DMXL1: variants seen among roughly 807,000 people sequenced by gnomAD.
DMXL1 encodes the protein dmX-like protein 1.
Under a neutral mutation model 319.2 loss-of-function variants are expected in DMXL1, and 99 were observed. That is an observed-to-expected ratio of 0.31 (90% CI 0.26 to 0.37). DMXL1 has a LOEUF of 0.37. DMXL1 is among the 10% of genes least tolerant of loss of function. The probability of loss-of-function intolerance (pLI) is 1.00; values close to 1 mark genes in which losing one functional copy is unlikely to be tolerated. For missense variants in DMXL1, 3,745 were observed against 3,595.6 expected (o/e 1.04, Z -1.06); for synonymous variants, 1,385 against 1,235.2 (o/e 1.12, Z -2.54).
chr5:119,115,083 C>A (rs1760539149), intron 6 of DMXL1, among the ~76,000 whole-genome samples: 1 of 152,140 alleles, frequency 6.6e-6, no homozygotes, highest in African/African-American at 2.4e-5. Flanking sequence ...CTGCCATTTA[C>A]CAGCTTTATC....
At position 119,248,946 on chromosome 5, in the gene DMXL1, A is replaced by G. The variant is rs912435701; in HGVS notation, c.*1727A>G. ...TTTCTTCACAAATCAAGATTCAAACAGCTTTAAACACTTCCAATGAGATAA... is the reference window on the plus strand; with the variant it reads ...TTTCTTCACAAATCAAGATTCAAACGGCTTTAAACACTTCCAATGAGATAA... On this transcript the variant is annotated 3_prime_UTR_variant, in exon 44 of 44. Transcript: ENST00000539542. 2 of 152,542 alleles carry G rather than the reference A, an allele frequency of 1.3e-5. No homozygotes were observed. The highest frequency in any genetic ancestry group is 6.5e-5 in the Admixed American group (1 of 15,276). 9.4% of individuals were successfully genotyped at this position (152,542 alleles called of 1,614,324 possible). A position where few individuals can be genotyped will look rare whatever the true frequency, so the allele number is the denominator to read the frequency against.
chr5:119,189,976 G>A, intron 29 of DMXL1, 90 bp downstream of exon 29: 1 of 1,311,220 alleles, frequency 7.6e-7, no homozygotes, highest in African/African-American at 1.5e-5. Flanking sequence ...GCTTCCAAAT[G>A]TTTTCCCACT....
chr5:119,141,400 A>C (rs904580478), intron 13 of DMXL1, among the ~76,000 whole-genome samples: 1 of 152,228 alleles, frequency 6.6e-6, no homozygotes, highest in Non-Finnish European at 1.5e-5. Context: ...GCTTCAGTAA[A>C]GTTTCAGGAT....
In DMXL1 at chr5:119,125,286, T is replaced by C. The variant is rs141047919; in HGVS notation, c.1103-3925T>C. 4.6e-5 allele frequency among the ~76,000 whole-genome samples: 7 copies of C among 152,238 alleles called. No homozygotes were observed. In the South Asian group the frequency reaches 1.5e-3, roughly 32 times the overall value. On this transcript the variant is annotated intron_variant, in intron 9 of 43. Transcript: ENST00000539542. ...CTTCTAGTGAATTAGACTGCATAAATAGAAAAAGATTGATTCATTAGCTTT... is the reference window on the plus strand; with the variant it reads ...CTTCTAGTGAATTAGACTGCATAAACAGAAAAAGATTGATTCATTAGCTTT...
intron 32 of DMXL1, among the ~76,000 whole-genome samples, chr5:119,202,866 T>TAC (rs1780976214): frequency 2.0e-5 from 2 of 101,376 alleles, no homozygotes; most frequent in Admixed American, 1.0e-4. Context: ...TATACATACA[T>TAC]ATATATATAT....
Position 119,149,711 on chromosome 5 carries a change from G to T in DMXL1, c.3884G>T (p.Gly1295Val). 1 of 1,613,982 alleles carries T rather than the reference G, an allele frequency of 6.2e-7. No homozygotes were observed. Among genetic ancestry groups the T allele is most frequent in the South Asian group, 1.1e-5 (1 of 91,078 alleles). ...SMTSLAQKIC[G>V]KKTAFDPSVD... is the part of the protein sequence containing the mutation. ...ACCAGTCTTGCACAGAAAATCTGTG[G>T]AAAGAAAACTGCATTCGATCCTTCA... is the stretch of plus-strand genomic sequence containing the variant. The change falls in exon 18 of 44, where the codon GGA (glycine) becomes GTA (valine). Residue 1295 changes from glycine (G) to valine (V), a missense_variant. Around this residue, in one of 4 missense-constraint regions of DMXL1, gnomAD observed 2,096 missense variants for 1,985.4 expected, o/e 1.06. Coordinates refer to ENST00000539542, the MANE Select transcript of DMXL1 (RefSeq NM_001290321.3).
At chr5:119,122,727 C>T (rs1304553222) in intron 9 of DMXL1, among the ~76,000 whole-genome samples, 2 of 151,776 alleles carry the variant, frequency 1.3e-5, no homozygotes, top group Non-Finnish European at 2.9e-5. Context: ...AGAGACGCTC[C>T]TCACTTCCTA....
chr5:119,134,321 C>A lies in DMXL1; in HGVS notation c.2308C>A (p.Leu770Met), dbSNP rs758510152. The change falls in exon 13 of 44, where the codon CTG (leucine) becomes ATG (methionine). Residue 770 changes from leucine to methionine, a missense_variant. Physicochemically the swap from Leu to Met is conservative, Grantham distance 15 (BLOSUM62 2). This residue lies in a region of DMXL1 where 2,096 missense variants were observed against 1,985.4 expected (regional missense o/e 1.06). Transcript: ENST00000539542. The stretch of plus-strand genomic sequence containing the variant: ...CTTTGTAGCCAGTGATGGACAATAT[C>A]TGAGATTATATGAAGCAGTTATTGA... The part of the protein sequence containing the change: ...ACFVASDGQY[L>M]RLYEAVIDAK... 6.2e-7 allele frequency: 1 copy of A among 1,613,866 alleles called. No homozygotes were observed. The highest frequency in any genetic ancestry group is 8.5e-7 in the Non-Finnish European group (1 of 1,179,868).
At chr5:119,099,241 C>T (rs191856407) in intron 2 of DMXL1, among the ~76,000 whole-genome samples, 32 of 151,616 alleles carry the variant, frequency 2.1e-4, no homozygotes, top group East Asian at 1.2e-3. Context: ...GATGGAGTCT[C>T]GCTTTGTTGC....
At chr5:119,099,843 A>G (rs1395772480) in intron 2 of DMXL1, among the ~76,000 whole-genome samples, 4 of 152,104 alleles carry the variant, frequency 2.6e-5, no homozygotes, top group African/African-American at 9.7e-5. Context: ...AAATAAAAAT[A>G]ATAAGTAAAT....
intron 13 of DMXL1, among the ~76,000 whole-genome samples, chr5:119,141,259 A>G (rs1306915012): frequency 1.3e-5 from 2 of 152,172 alleles, no homozygotes; most frequent in Non-Finnish European, 2.9e-5. Context: ...GGCCACAGCA[A>G]TCAGGAAAGA....
At chr5:119,231,746 A>G (rs1054794722) in intron 38 of DMXL1, among the ~76,000 whole-genome samples, 1 of 152,254 alleles carries the variant, frequency 6.6e-6, no homozygotes, top group Admixed American at 6.5e-5. Flanking sequence ...TCAAGGAAGC[A>G]CAACAAAGAC....
At chr5:119,139,781 A>G (rs1016950466) in intron 13 of DMXL1, among the ~76,000 whole-genome samples, 1 of 152,204 alleles carries the variant, frequency 6.6e-6, no homozygotes, top group Admixed American at 6.5e-5. Context: ...TGTATCTGAC[A>G]GACTGCTGCA....
chr5:119,078,858 C>T (rs1338203502), intron 1 of DMXL1, among the ~76,000 whole-genome samples: 2 of 152,176 alleles, frequency 1.3e-5, no homozygotes, highest in Non-Finnish European at 2.9e-5. Flanking sequence ...TGTTGTTTCA[C>T]CGTTATTGCT....
At chr5:119,240,914 A>G (rs1221217227) in intron 42 of DMXL1, among the ~76,000 whole-genome samples, 4 of 152,194 alleles carry the variant, frequency 2.6e-5, no homozygotes, top group Non-Finnish European at 5.9e-5. Flanking sequence ...TATCCCAAAG[A>G]ATCTACAAAA....
chr5:119,165,166 A>T lies in DMXL1; in HGVS notation c.4873-17A>T, dbSNP rs191370557. ...AACTGTTTCTGTGAAATTTTGATCA[A>T]TATTTTTTGATTATAGGTAGCTAAA... On this transcript the variant is annotated splice_polypyrimidine_tract_variant and intron_variant, in intron 20 of 43. Transcript: ENST00000539542. 2.1e-3 allele frequency: 3,142 copies of T among 1,482,630 alleles called. 7 individuals carry two copies. The highest frequency in any genetic ancestry group is 2.6e-3 in the Non-Finnish European group (2,814 of 1,076,316). 91.8% of individuals were successfully genotyped at this position (1,482,630 alleles called of 1,614,324 possible).
Position 119,171,264 on chromosome 5 carries a change from T to C in DMXL1, c.6473T>C (p.Leu2158Ser). The part of the protein sequence containing the change: ...ASVRMELILL[L>S]QESQQETSEP... ...GTAAGAATGGAATTGATTTTGCTTTTGCAAGAATCTCAGCAGGTATGTAAT... is the reference window on the plus strand; with the variant it reads ...GTAAGAATGGAATTGATTTTGCTTTCGCAAGAATCTCAGCAGGTATGTAAT... The change falls in exon 24 of 44, where the codon TTG (leucine) becomes TCG (serine). Residue 2158 changes from leucine to serine, a missense_variant. This residue lies in a region of DMXL1 where 1,382 missense variants were observed against 1,269.5 expected (regional missense o/e 1.09). Transcript: ENST00000539542. 1 of 1,596,766 alleles carries C rather than the reference T, an allele frequency of 6.3e-7. No individual in the cohort carries two copies. The highest frequency in any genetic ancestry group is 8.5e-7 in the Non-Finnish European group (1 of 1,169,986).
rs149172813 is a variant in DMXL1, at chr5:119,091,422, G to C, written c.88-6557G>C. On this transcript the variant is annotated intron_variant, in intron 1 of 43. Transcript: ENST00000539542. ...GAGGCAAGTCTTGCTGTGCTGCCCA[G>C]CCTGGTTTCAAACTCCTAGGCTCAA... Among the ~76,000 whole-genome samples, 3 of 152,200 alleles carry C rather than the reference G, an allele frequency of 2.0e-5. No homozygotes were observed. In the East Asian group the frequency reaches 5.8e-4, roughly 29 times the overall value.
intron 19 of DMXL1, among the ~76,000 whole-genome samples, chr5:119,160,465 T>G (rs1046729228): frequency 2.0e-5 from 3 of 152,240 alleles, no homozygotes; most frequent in Non-Finnish European, 2.9e-5. Flanking sequence ...CAGTATCTAT[T>G]CTGGGGAATA....
Sources: gnomAD v4.1 joint callset for allele counts (sites outside exome capture counted in the v4.1 genomes callset) on GRCh38, gnomAD v4.1.1 for gene constraint, gnomAD v4.1.1 regional missense constraint, MANE v1.5 for transcripts, NCBI Gene and HGNC (gene_info 2026-07-23, HGNC 2026-07-21) for gene names.